Variants in ADAMTS19 observed in about 807,000 individuals in gnomAD.
ADAMTS19 encodes the protein ADAM metallopeptidase with thrombospondin type 1 motif 19, also known as A disintegrin and metalloproteinase with thrombospondin motifs 19.
A neutral mutation model predicts 153.3 loss-of-function variants in ADAMTS19; 93 were observed. The ratio of observed to expected loss-of-function variants is 0.61; its 90% confidence interval spans 0.51 to 0.72. The LOEUF (loss-of-function observed/expected upper bound fraction) is 0.72, where lower values mean the gene tolerates loss of function less well. Among genes scored for constraint, ADAMTS19 ranks in the 30% least tolerant of loss-of-function variants. The pLI is 0.00. For missense variants in ADAMTS19, 1,482 were observed against 1,552.1 expected (o/e 0.95, Z 0.76); for synonymous variants, 600 against 556.6 (o/e 1.08, Z -1.10).
In ADAMTS19 at chr5:129,461,387, A is replaced by G; in HGVS notation, c.377A>G (p.Gln126Arg). 2 of 1,350,554 alleles carry G rather than the reference A, an allele frequency of 1.5e-6. No homozygotes were observed. Among genetic ancestry groups the G allele is most frequent in the Non-Finnish European group, 1.9e-6 (2 of 1,062,632 alleles). 83.7% of individuals were successfully genotyped at this position (1,350,554 alleles called of 1,614,324 possible). The change falls in exon 2 of 23, where the codon CAG becomes CGG. Residue 126 changes from glutamine to arginine, a missense_variant. Physicochemically the swap from Gln to Arg is conservative, Grantham distance 43. Around this residue, in one of 2 missense-constraint regions of ADAMTS19, gnomAD observed 866 missense variants for 827.7 expected, o/e 1.05. Coordinates refer to ENST00000274487, the MANE Select transcript of ADAMTS19 (RefSeq NM_133638.6). The surrounding 1 kb of genome is among the most constrained non-coding windows in gnomAD (Gnocchi z 4.6). Reference sequence around the variant, plus strand: ...GAGGAGGACGAGGAGCTCGAGTCGCAGGAGCTGCCGCGGGGATCCAGCGGG... The same window carrying G: ...GAGGAGGACGAGGAGCTCGAGTCGCGGGAGCTGCCGCGGGGATCCAGCGGG... Reference protein sequence around the residue: ...EGEEDEELESQELPRGSSGAA... With the variant: ...EGEEDEELESRELPRGSSGAA...
rs1250913611 is a variant in ADAMTS19 at position 129,589,391 on chromosome 5, GTAGT to G, written c.1373-7165_1373-7162del. ...GATAAATTTTCATTTATACATTTGTGTAGTTATTTATACATTATAATTACATATA... is the reference window on the plus strand; with the variant it reads ...GATAAATTTTCATTTATACATTTGTGTATTTATACATTATAATTACATATA... On this transcript the variant is annotated intron_variant, in intron 7 of 22. Coordinates refer to ENST00000274487, the MANE Select transcript of ADAMTS19 (RefSeq NM_133638.6). Among the ~76,000 whole-genome samples the G allele has an allele frequency of 2.0e-5, 3 of 151,518 alleles. 1 individual carries two copies. Among genetic ancestry groups the G allele is most frequent in the Non-Finnish European group, 4.4e-5 (3 of 67,798 alleles).
At chr5:129,566,291 C>T (rs551256998) in intron 7 of ADAMTS19, among the ~76,000 whole-genome samples, 105 of 152,060 alleles carry the variant, frequency 6.9e-4, no homozygotes, top group African/African-American at 2.5e-3. Context: ...AATATAATTC[C>T]CTAGGTAGTT....
chr5:129,733,565 C>T (rs1415052466), intron 21 of ADAMTS19, among the ~76,000 whole-genome samples: 1 of 151,980 alleles, frequency 6.6e-6, no homozygotes, highest in Non-Finnish European at 1.5e-5. Flanking sequence ...TGCTTAACAT[C>T]ACTAATCGTC....
At chr5:129,702,944 ATATAT>A (rs1561658776) in intron 20 of ADAMTS19, among the ~76,000 whole-genome samples, 29 of 21,888 alleles carry the variant, frequency 1.3e-3, no homozygotes, top group African/African-American at 2.4e-3. Context: ...AAAAAAAAAT[ATATAT>A]ATATATATAT....
chr5:129,596,535 A>G, intron 7 of ADAMTS19, 24 bp from the exon 8 acceptor site: 1 of 1,438,254 alleles, frequency 7.0e-7, no homozygotes, highest in Admixed American at 1.9e-5. Context: ...CAGACATATA[A>G]TAATTAATGT....
chr5:129,609,895 G>A (rs1027144671), intron 8 of ADAMTS19, among the ~76,000 whole-genome samples: 1 of 152,052 alleles, frequency 6.6e-6, no homozygotes. Context: ...ACTTTTTCAT[G>A]TCACAGTTTC....
chr5:129,664,781 G>A (rs1753965785), intron 15 of ADAMTS19, among the ~76,000 whole-genome samples: 1 of 152,054 alleles, frequency 6.6e-6, no homozygotes, highest in South Asian at 2.1e-4. Context: ...TCTGCACTAA[G>A]TGAAACTTGA....
rs552021934 is a variant in ADAMTS19 at position 129,629,788 on chromosome 5, A to G, written c.1770+7440A>G. On this transcript the variant is annotated intron_variant, in intron 10 of 22. Coordinates refer to ENST00000274487, the MANE Select transcript of ADAMTS19 (RefSeq NM_133638.6). ...GCTGGGTACCTTTAGGCCATCTGGC[A>G]TCTTGTGGCTGAGCCAGCTCCAACT... 8.5e-5 allele frequency among the ~76,000 whole-genome samples: 13 copies of G among 152,206 alleles called. No homozygotes were observed. In the East Asian group the frequency reaches 2.3e-3, roughly 27 times the overall value.
At chr5:129,558,774 G>C (rs6883736) in intron 7 of ADAMTS19, among the ~76,000 whole-genome samples, 4,298 of 152,132 alleles carry the variant, frequency 0.028, 201 homozygotes, top group African/African-American at 0.097. Context: ...TGAAAATGCA[G>C]TTGCCTGTAT....
intron 3 of ADAMTS19, among the ~76,000 whole-genome samples, chr5:129,525,036 T>G (rs946791406): frequency 1.3e-5 from 2 of 152,162 alleles, no homozygotes; most frequent in African/African-American, 4.8e-5. Context: ...CATTGCTATA[T>G]AGTATTCCAT....
At chr5:129,689,241 G>C (rs1755225808) in intron 18 of ADAMTS19, among the ~76,000 whole-genome samples, 1 of 152,096 alleles carries the variant, frequency 6.6e-6, no homozygotes, top group Non-Finnish European at 1.5e-5. Context: ...TCTAGCTTAT[G>C]ACTGTCCTGG....
intron 20 of ADAMTS19, among the ~76,000 whole-genome samples, chr5:129,703,601 A>G (rs901011852): frequency 2.0e-5 from 3 of 152,070 alleles, no homozygotes; most frequent in African/African-American, 7.2e-5. Context: ...GCATGGTGGT[A>G]TATGCTTATA....
intron 22 of ADAMTS19, among the ~76,000 whole-genome samples, chr5:129,735,728 T>A (rs958499471): frequency 1.4e-4 from 21 of 152,064 alleles, no homozygotes; most frequent in Non-Finnish European, 3.1e-4. Flanking sequence ...TTATTTAATC[T>A]AACCCATAAT....
chr5:129,605,592 T>G (rs1750854557), intron 8 of ADAMTS19, among the ~76,000 whole-genome samples: 1 of 152,166 alleles, frequency 6.6e-6, no homozygotes, highest in Admixed American at 6.6e-5. Context: ...TTAATTTTAT[T>G]CATAAAACTT....
intron 7 of ADAMTS19, among the ~76,000 whole-genome samples, chr5:129,581,337 T>C (rs759531469): frequency 9.2e-5 from 14 of 152,048 alleles, no homozygotes; most frequent in Non-Finnish European, 1.9e-4. Flanking sequence ...TGGGAGGGTG[T>C]ATGTGTCCAG....
At chr5:129,606,158 T>G (rs149492508) in intron 8 of ADAMTS19, among the ~76,000 whole-genome samples, 5 of 152,260 alleles carry the variant, frequency 3.3e-5, no homozygotes, top group African/African-American at 1.2e-4. Context: ...TGCTAAAATT[T>G]TAAGAATTGC....
chr5:129,464,727 T>A lies in ADAMTS19; in HGVS notation c.747+2970T>A, dbSNP rs983033834. 2.0e-5 allele frequency among the ~76,000 whole-genome samples: 3 copies of A among 152,218 alleles called. No individual in the cohort carries two copies. The South Asian group carries it at 6.2e-4, about 31-fold the overall frequency. ...GCAAAGCCTGCCTCTTCAAAGTTTT[T>A]AATCTTTCTGGATCTCATATCTGGA... On this transcript the variant is annotated intron_variant, in intron 2 of 22. Coordinates refer to ENST00000274487, the MANE Select transcript of ADAMTS19 (RefSeq NM_133638.6).
In ADAMTS19 at chr5:129,662,888, A is replaced by ATTTTTTTTT. The variant is rs3049499; in HGVS notation, c.2426-2595_2426-2587dup. 2.2e-4 allele frequency among the ~76,000 whole-genome samples: 20 copies of ATTTTTTTTT among 92,888 alleles called. 1 individual carries two copies. The highest frequency in any genetic ancestry group is 9.0e-4 in the African/African-American group (19 of 21,200). 60.9% of individuals were successfully genotyped at this position (92,888 alleles called of 152,430 possible). A position where few individuals can be genotyped will look rare whatever the true frequency, so the allele number is the denominator to read the frequency against. On this transcript the variant is annotated intron_variant, in intron 15 of 22. Coordinates refer to ENST00000274487, the MANE Select transcript of ADAMTS19 (RefSeq NM_133638.6). ...CTCCTCCTTCTCATGATTCTTCTTC[A>ATTTTTTTTT]TTTTTTTTTTTTTTTTTTTTTTTTG...
At position 129,704,400 on chromosome 5, in the gene ADAMTS19, C is replaced by T. The variant is rs1756052117; in HGVS notation, c.3312+9C>T. On this transcript the variant is annotated intron_variant, in intron 21 of 22. Transcript: ENST00000274487. The stretch of plus-strand genomic sequence containing the variant: ...TGGGTGACTGGTCTAAGGTGAGAAC[C>T]ATTCTGTATATTCTCAGTAATAGGT... 13 of 1,611,586 alleles carry T rather than the reference C, an allele frequency of 8.1e-6. No homozygotes were observed. Among genetic ancestry groups the T allele is most frequent in the Non-Finnish European group, 9.3e-6 (11 of 1,178,850 alleles).
Sources: allele counts gnomAD v4.1 joint callset (sites outside exome capture counted in the v4.1 genomes callset), GRCh38; gene constraint gnomAD v4.1.1; regional missense constraint gnomAD v4.1.1; non-coding constraint Gnocchi (gnomAD v3.1); transcripts MANE v1.5; gene names NCBI Gene and HGNC (gene_info 2026-07-23, HGNC 2026-07-21).